Variants in SLU7 observed in about 807,000 individuals in gnomAD.
SLU7 encodes the protein spliceosome associated SLU7.
A neutral mutation model predicts 87.0 loss-of-function variants in SLU7; 60 were observed. The ratio of observed to expected loss-of-function variants is 0.69; its 90% CI spans 0.56 to 0.86. The LOEUF is 0.86. SLU7 is among the 40% of genes least tolerant of loss of function. The pLI, the probability that SLU7 is intolerant of heterozygous loss-of-function variation, is 0.00. For synonymous variants in SLU7, 197 were observed against 222.0 expected (o/e 0.89, Z 1.00); for missense variants, 507 against 686.6 (o/e 0.74, Z 2.92).
chr5:160,408,946 TCA>T (rs534691061), intron 6 of SLU7, among the ~76,000 whole-genome samples: 76 of 150,370 alleles, frequency 5.1e-4, no homozygotes, highest in African/African-American at 1.7e-3. Context: ...CTCACACTTC[TCA>T]GTTATAATGA....
Position 160,415,136 on chromosome 5 carries a change from A to G in SLU7, c.159T>C (p.Asp53=). The stretch of plus-strand genomic sequence containing the variant: ...AATTAAGTACTTACTTTCCTTCTTC[A>G]TCAACTTCTGCAGGAGCATTGCCCA... ...RKLGNAPAEV[D]EEGKDINPHI... is the part of the protein sequence containing the mutation. The change falls in exon 2 of 16, where the codon GAT becomes GAC. Residue 53 remains aspartate (D), a synonymous_variant. Coordinates refer to ENST00000297151, the MANE Select transcript of SLU7 (RefSeq NM_006425.5). 1.9e-6 allele frequency: 3 copies of G among 1,600,754 alleles called. No individual in the cohort carries two copies. The highest frequency in any genetic ancestry group is 2.6e-6 in the Non-Finnish European group (3 of 1,175,004).
rs761982889 is a variant in SLU7 at position 160,407,957 on chromosome 5, A to C, written c.917+14T>G. 3.2e-6 allele frequency: 5 copies of C among 1,575,998 alleles called. No individual in the cohort carries two copies. The South Asian group carries it at 5.5e-5, about 17-fold the overall frequency. On this transcript the variant is annotated intron_variant, in intron 9 of 15. Coordinates refer to ENST00000297151, the MANE Select transcript of SLU7 (RefSeq NM_006425.5). This position sits in a 1 kb window ranked among gnomAD's most constrained non-coding sequence, Gnocchi z 4.2. The stretch of plus-strand genomic sequence containing the variant: ...CTCTCATCTTAAAATCTGTACATTT[A>C]ACTTGATACTTACTCATCTGGATTC...
chr5:160,403,225 A>G lies in SLU7; in HGVS notation c.*60T>C, dbSNP rs1764858460. 13 of 1,297,438 alleles carry G rather than the reference A, an allele frequency of 1.0e-5. No homozygotes were observed. The highest frequency in any genetic ancestry group is 4.8e-5 in the South Asian group (3 of 63,010). The allele number at this position is 1,297,438 out of a possible 1,614,324, so 80.4% of individuals were successfully genotyped here. On this transcript the variant is annotated 3_prime_UTR_variant, in exon 16 of 16. Coordinates refer to ENST00000297151, the MANE Select transcript of SLU7 (RefSeq NM_006425.5). Reference sequence around the variant, plus strand: ...AGGATTTTTCTATCTACAATCATCAATAAGAAGCTGAAAAGAATGTATCAG... The same window carrying G: ...AGGATTTTTCTATCTACAATCATCAGTAAGAAGCTGAAAAGAATGTATCAG...
chr5:160,404,530 T>C lies in SLU7; in HGVS notation c.1491A>G (p.Glu497=), dbSNP rs1381605648. Reference sequence around the variant, plus strand: ...TCTTTTTCTTTTTCTTCTTCTTCTTTTCCTCTTTCAGTTTTTCTTGATGCA... The same window carrying C: ...TCTTTTTCTTTTTCTTCTTCTTCTTCTCCTCTTTCAGTTTTTCTTGATGCA... ...MELHQEKLKE[E]KKKKKKKKKK... is the part of the protein sequence containing the mutation. Residue 497 remains glutamate, a synonymous_variant, in exon 15 of 16, where the codon GAA becomes GAG. Transcript: ENST00000297151. The C allele has an allele frequency of 6.8e-6, 11 of 1,608,002 alleles. No individual in the cohort carries two copies. The highest frequency in any genetic ancestry group is 6.8e-6 in the Non-Finnish European group (8 of 1,176,042).
rs997751186 is a variant in SLU7 at position 160,414,093 on chromosome 5, AAGTT to A, written c.325-118_325-115del. ...ATGATTTCTTTGTTAAAAGGAAAATAAGTTAGAGTCTCCACACATTTATAAATGT... is the reference window on the plus strand; with the variant it reads ...ATGATTTCTTTGTTAAAAGGAAAATAAGAGTCTCCACACATTTATAAATGT... On this transcript the variant is annotated intron_variant, in intron 3 of 15. Coordinates refer to ENST00000297151, the MANE Select transcript of SLU7 (RefSeq NM_006425.5). The A allele has an allele frequency of 2.7e-5, 20 of 734,084 alleles. No individual in the cohort carries two copies. In the Admixed American group the frequency reaches 5.7e-4, roughly 21 times the overall value. The allele number at this position is 734,084 out of a possible 1,614,324, so 45.5% of individuals were successfully genotyped here.
intron 1 of SLU7, among the ~76,000 whole-genome samples, chr5:160,418,087 C>A (rs972908555): frequency 6.6e-6 from 1 of 152,230 alleles, no homozygotes; most frequent in Non-Finnish European, 1.5e-5. Context: ...AAGGTGTTCT[C>A]TTCTATGTCT....
chr5:160,409,775 T>C (rs1487431322), intron 6 of SLU7, among the ~76,000 whole-genome samples: 2 of 152,158 alleles, frequency 1.3e-5, no homozygotes, highest in East Asian at 3.8e-4. Flanking sequence ...GAAAAGTATG[T>C]ATCGTTTCCT....
chr5:160,403,354 CT>C lies in SLU7; in HGVS notation c.1691del (p.Glu564GlyfsTer8). The C allele has an allele frequency of 6.2e-7, 1 of 1,613,434 alleles. No homozygotes were observed. Among genetic ancestry groups the C allele is most frequent in the Non-Finnish European group, 8.5e-7 (1 of 1,179,774 alleles). On this transcript the variant is annotated frameshift_variant, in exon 16 of 16. Transcript: ENST00000297151. LOFTEE classifies it high-confidence loss of function. ...SMYETREPTE[E>X]EMEAYRMKRQ... ...GTTTCATTCTATATGCCTCCATTTC[CT>C]CTTCAGTAGGTTCTCGAGTTTCATA...
At chr5:160,406,018 A>G (rs986798900) in intron 12 of SLU7, among the ~76,000 whole-genome samples, 12 of 152,226 alleles carry the variant, frequency 7.9e-5, no homozygotes, top group African/African-American at 2.9e-4. Flanking sequence ...TATAATGTTA[A>G]TTTTCTGAAG....
In SLU7 at chr5:160,407,705, T is replaced by A; in HGVS notation, c.985+41A>T. On this transcript the variant is annotated intron_variant, in intron 10 of 15. Coordinates refer to ENST00000297151, the MANE Select transcript of SLU7 (RefSeq NM_006425.5). This position sits in a 1 kb window ranked among gnomAD's most constrained non-coding sequence, Gnocchi z 4.2. ...GCTTTAAACAATCCCAAACGTCTTA[T>A]GAGCTGATATAAAATGGCTTGACAT... 6.2e-7 allele frequency: 1 copy of A among 1,603,670 alleles called. No homozygotes were observed. Among genetic ancestry groups the A allele is most frequent in the Non-Finnish European group, 8.5e-7 (1 of 1,174,584 alleles).
chr5:160,415,304 G>A lies in SLU7; in HGVS notation c.-10C>T. On this transcript the variant is annotated 5_prime_UTR_variant, in exon 2 of 16. Transcript: ENST00000297151. ...CAACTGTGGCTGACATGGTTATCTGGCCTCCTCTAGGAAAAGAAGTGAAAC... is the reference window on the plus strand; with the variant it reads ...CAACTGTGGCTGACATGGTTATCTGACCTCCTCTAGGAAAAGAAGTGAAAC... The A allele has an allele frequency of 1.3e-6, 2 of 1,554,350 alleles. No individual in the cohort carries two copies. Among genetic ancestry groups the A allele is most frequent in the African/African-American group, 1.4e-5 (1 of 72,294 alleles).
chr5:160,410,484 G>A (rs1394306354), intron 6 of SLU7, among the ~76,000 whole-genome samples: 2 of 151,790 alleles, frequency 1.3e-5, no homozygotes, highest in Non-Finnish European at 2.9e-5. Flanking sequence ...CGAGTTCATG[G>A]GTGCAGCACA....
intron 6 of SLU7, among the ~76,000 whole-genome samples, chr5:160,410,870 C>CTT (rs67739399): frequency 1.9e-3 from 281 of 145,682 alleles, no homozygotes; most frequent in Middle Eastern, 3.5e-3. Context: ...GGCAAATTCA[C>CTT]TTTTTTTTTT....
intron 2 of SLU7, 90 bp from the exon 3 acceptor site, chr5:160,414,562 A>G (rs1373691295): frequency 1.2e-6 from 1 of 804,350 alleles, no homozygotes; most frequent in Non-Finnish European, 1.8e-6. Flanking sequence ...TACAAAATCT[A>G]AGAACAGAAA....
intron 7 of SLU7, 77 bp downstream of exon 7, chr5:160,408,570 CTAT>C: frequency 4.3e-6 from 6 of 1,404,966 alleles, no homozygotes; most frequent in Non-Finnish European, 5.0e-6. Context: ...TCTTTAAAAG[CTAT>C]TATTAGTGTT....
chr5:160,413,151 C>T (rs987970303), intron 5 of SLU7, among the ~76,000 whole-genome samples: 2 of 152,150 alleles, frequency 1.3e-5, no homozygotes, highest in Non-Finnish European at 2.9e-5. Context: ...ACATTTCTAA[C>T]CTCACAAAAC....
Position 160,401,693 on chromosome 5 carries a change from A to G in SLU7, c.*1592T>C, listed in dbSNP as rs542600577. On this transcript the variant is annotated 3_prime_UTR_variant, in exon 16 of 16. Coordinates refer to ENST00000297151, the MANE Select transcript of SLU7 (RefSeq NM_006425.5). ...TCTTTAACAAAAGATAAAATACAAA[A>G]CGGACACAACATCAGCCTTTATGTT... 6.6e-6 allele frequency: 1 copy of G among 152,386 alleles called. No individual in the cohort carries two copies. The highest frequency in any genetic ancestry group is 2.1e-4 in the South Asian group (1 of 4,830). 9.4% of individuals were successfully genotyped at this position (152,386 alleles called of 1,614,324 possible).
Position 160,408,414 on chromosome 5 carries a change from T to C in SLU7, c.734A>G (p.Asp245Gly), listed in dbSNP as rs1267501179. The C allele has an allele frequency of 6.2e-7, 1 of 1,610,230 alleles. No individual in the cohort carries two copies. The highest frequency in any genetic ancestry group is 8.5e-7 in the Non-Finnish European group (1 of 1,177,834). ...ATTCTGTCCAGGCATGTCAATATCATCTGCATATTTATCTTCATCCTCATC... is the reference window on the plus strand; with the variant it reads ...ATTCTGTCCAGGCATGTCAATATCACCTGCATATTTATCTTCATCCTCATC... ...SEDEDEDKYA[D>G]DIDMPGQNFD... Residue 245 changes from aspartate to glycine, a missense_variant, in exon 8 of 16, where the codon GAT becomes GGT. This residue lies in a region of SLU7 where 49 missense variants were observed against 144.1 expected (regional missense o/e 0.34). Transcript: ENST00000297151.
chr5:160,402,080 C>G lies in SLU7; in HGVS notation c.*1205G>C, dbSNP rs912544065. 1.3e-5 allele frequency: 2 copies of G among 152,194 alleles called. No homozygotes were observed. Among genetic ancestry groups the G allele is most frequent in the African/African-American group, 4.8e-5 (2 of 41,450 alleles). 9.4% of individuals were successfully genotyped at this position (152,194 alleles called of 1,614,324 possible). A position where few individuals can be genotyped will look rare whatever the true frequency, so the allele number is the denominator to read the frequency against. On this transcript the variant is annotated 3_prime_UTR_variant, in exon 16 of 16. Transcript: ENST00000297151. ...TCATGGCAATCTATTACTAATATCCCTAGAAGCTATCCTTATAATTCTTTC... is the reference window on the plus strand; with the variant it reads ...TCATGGCAATCTATTACTAATATCCGTAGAAGCTATCCTTATAATTCTTTC...
Sources: allele counts gnomAD v4.1 joint callset (sites outside exome capture counted in the v4.1 genomes callset), GRCh38; gene constraint gnomAD v4.1.1; regional missense constraint gnomAD v4.1.1; non-coding constraint Gnocchi (gnomAD v3.1); transcripts MANE v1.5; gene names NCBI Gene and HGNC (gene_info 2026-07-23, HGNC 2026-07-21).